Variants in PIEZO2 observed in about 807,000 individuals in gnomAD.
The protein encoded by PIEZO2 is piezo type mechanosensitive ion channel component 2.
A neutral mutation model predicts 337.3 loss-of-function variants in PIEZO2; 172 were observed. The observed-to-expected ratio is 0.51, with a 90% CI of 0.45 to 0.58. The LOEUF (loss-of-function observed/expected upper bound fraction) is 0.58. Among genes scored for constraint, PIEZO2 ranks in the 20% least tolerant of loss-of-function variants. PIEZO2 has a pLI of 0.00. For synonymous variants in PIEZO2, 1,251 were observed against 1,228.5 expected (o/e 1.02, Z -0.38); for missense variants, 3,028 against 3,391.3 (o/e 0.89, Z 2.66).
chr18:10,745,613 G>A lies in PIEZO2; in HGVS notation c.4425-1382C>T, dbSNP rs544430880. On this transcript the variant is annotated intron_variant, in intron 30 of 55. Transcript: ENST00000674853. ...ATCTTCCTCAGGCTCCTAAGGCAAC[G>A]TGCTCTCCTAGTTTTCCTTTTTTCT... Among the ~76,000 whole-genome samples the A allele has an allele frequency of 1.5e-3, 229 of 152,186 alleles. 1 individual carries two copies. Among genetic ancestry groups the A allele is most frequent in the African/African-American group, 5.4e-3 (223 of 41,518 alleles).
chr18:10,796,193 T>A (rs957072063), intron 12 of PIEZO2, among the ~76,000 whole-genome samples: 6 of 150,810 alleles, frequency 4.0e-5, no homozygotes, highest in Non-Finnish European at 8.8e-5. Context: ...TGAAACCCCG[T>A]CTCTACTAAA....
intron 7 of PIEZO2, among the ~76,000 whole-genome samples, chr18:10,852,938 T>C (rs1346776243): frequency 6.6e-6 from 1 of 152,064 alleles, no homozygotes; most frequent in Non-Finnish European, 1.5e-5. Flanking sequence ...TGGTTGCAGC[T>C]GGGGGCTTGG....
chr18:11,006,058 G>A lies in PIEZO2; in HGVS notation c.161-26398C>T, dbSNP rs111416594. 2.4e-3 allele frequency among the ~76,000 whole-genome samples: 358 copies of A among 152,234 alleles called. 2 individuals carry two copies. The highest frequency in any genetic ancestry group is 7.8e-3 in the African/African-American group (323 of 41,526). On this transcript the variant is annotated intron_variant, in intron 2 of 55. Transcript: ENST00000674853. ...TTCTCTCGTTGGATCTTACATGCCT[G>A]TCTCTTTCCCTTGGCTCAGGTCTTG...
At chr18:11,043,568 G>A (rs897687387) in intron 2 of PIEZO2, among the ~76,000 whole-genome samples, 1 of 152,166 alleles carries the variant, frequency 6.6e-6, no homozygotes, top group Non-Finnish European at 1.5e-5. Flanking sequence ...GAGAGAGCAA[G>A]AGAGAGACAA....
chr18:11,061,928 CA>C (rs2037976001), intron 2 of PIEZO2, among the ~76,000 whole-genome samples: 1 of 152,070 alleles, frequency 6.6e-6, no homozygotes, highest in African/African-American at 2.4e-5. Context: ...CATATGGAAC[CA>C]AAAAAGAGCC....
chr18:10,969,395 G>A lies in PIEZO2; in HGVS notation c.286+10140C>T, dbSNP rs775218993. 1.3e-5 allele frequency among the ~76,000 whole-genome samples: 2 copies of A among 152,066 alleles called. No individual in the cohort carries two copies. The highest frequency in any genetic ancestry group is 4.8e-5 in the African/African-American group (2 of 41,422). ...CTGGTCGGCATGGTGGGGAGCAGAC[G>A]GGCGTGAGGATCATGACTCCCTGTT... On this transcript the variant is annotated intron_variant, in intron 3 of 55. Coordinates refer to ENST00000674853, the MANE Select transcript of PIEZO2 (RefSeq NM_001378183.1). The surrounding 1 kb of genome is among the most constrained non-coding windows in gnomAD (Gnocchi z 4.5).
In PIEZO2 at chr18:10,859,284, C is replaced by T. The variant is rs191979456; in HGVS notation, c.493-2073G>A. Among the ~76,000 whole-genome samples, 73 of 152,272 alleles carry T rather than the reference C, an allele frequency of 4.8e-4. 1 individual carries two copies. The South Asian group carries it at 0.012, about 25-fold the overall frequency. ...GAAAGAGGGTAAGTGTCCCCAGGCC[C>T]GTGGCCACTTCCGCTCCCCTAGAGA... On this transcript the variant is annotated intron_variant, in intron 5 of 55. Transcript: ENST00000674853. The surrounding 1 kb of genome is among the most constrained non-coding windows in gnomAD (Gnocchi z 4.9).
At chr18:10,976,867 T>G (rs1293100135) in intron 3 of PIEZO2, among the ~76,000 whole-genome samples, 2 of 152,128 alleles carry the variant, frequency 1.3e-5, no homozygotes, top group Non-Finnish European at 2.9e-5. Context: ...TGACTACACT[T>G]GAGATGACTA....
At chr18:11,014,707 GC>G (rs1459893851) in intron 2 of PIEZO2, among the ~76,000 whole-genome samples, 12 of 139,310 alleles carry the variant, frequency 8.6e-5, no homozygotes, top group East Asian at 2.3e-4. Context: ...GCGATCCAGG[GC>G]CCCCCTCATT....
chr18:10,956,065 G>A (rs1216270594), intron 3 of PIEZO2, among the ~76,000 whole-genome samples: 2 of 152,044 alleles, frequency 1.3e-5, no homozygotes, highest in African/African-American at 4.8e-5. Context: ...GTATTTTATG[G>A]AATTCATATA....
chr18:10,708,785 A>C (rs1239064648), intron 39 of PIEZO2, among the ~76,000 whole-genome samples: 2 of 152,238 alleles, frequency 1.3e-5, no homozygotes, highest in Non-Finnish European at 2.9e-5. Flanking sequence ...GTTTCTTTTA[A>C]ATGAAAGAAA....
intron 7 of PIEZO2, among the ~76,000 whole-genome samples, chr18:10,842,482 C>T (rs1172979554): frequency 6.6e-6 from 1 of 152,154 alleles, no homozygotes; most frequent in Non-Finnish European, 1.5e-5. Flanking sequence ...TTAAAAATAG[C>T]CTGGCACTTT....
chr18:10,882,834 C>CTTTTTTTT (rs745618117), intron 4 of PIEZO2, among the ~76,000 whole-genome samples: 1,999 of 109,382 alleles, frequency 0.018, 60 homozygotes, highest in Non-Finnish European at 0.026. Flanking sequence ...ACCACATTTT[C>CTTTTTTTT]TTTTTTTCTT....
At chr18:10,906,564 AC>A (rs1367961338) in intron 4 of PIEZO2, among the ~76,000 whole-genome samples, 1 of 151,634 alleles carries the variant, frequency 6.6e-6, no homozygotes, top group African/African-American at 2.4e-5. Context: ...TATTATAAGA[AC>A]TTTTTTTTTT....
Position 10,672,708 on chromosome 18 carries a change from C to G in PIEZO2, c.8327G>C (p.Gly2776Ala), listed in dbSNP as rs2033832070. Residue 2776 changes from glycine to alanine, a missense_variant, in exon 55 of 56, where the codon GGG (glycine) becomes GCG (alanine). By Grantham distance (60) the Gly-to-Ala change is moderately conservative (BLOSUM62 0). Transcript: ENST00000674853. This position sits in a 1 kb window ranked among gnomAD's most constrained non-coding sequence, Gnocchi z 4.7. ...TCCTTACCCATAGCCAGCCAGGAACCCCAGACTTGGGGGACTGACTTTGTC... is the reference window on the plus strand; with the variant it reads ...TCCTTACCCATAGCCAGCCAGGAACGCCAGACTTGGGGGACTGACTTTGTC... ...FNDKVSPPSL[G>A]FLAGYGIMGL... 2 of 1,613,804 alleles carry G rather than the reference C, an allele frequency of 1.2e-6. No homozygotes were observed. The highest frequency in any genetic ancestry group is 2.2e-5 in the East Asian group (1 of 44,888).
chr18:10,992,870 G>A (rs150779516), intron 2 of PIEZO2, among the ~76,000 whole-genome samples: 36 of 152,272 alleles, frequency 2.4e-4, no homozygotes, highest in Non-Finnish European at 4.6e-4. Flanking sequence ...AGCATGGAAT[G>A]TTTTTCCATT....
At chr18:11,139,215 CAG>C (rs1568408478) in intron 1 of PIEZO2, among the ~76,000 whole-genome samples, 4 of 152,258 alleles carry the variant, frequency 2.6e-5, no homozygotes, top group Admixed American at 2.0e-4. Flanking sequence ...ATCTCAAAAA[CAG>C]GGGTCAATCT....
chr18:11,035,155 T>G lies in PIEZO2; in HGVS notation c.160+30972A>C, dbSNP rs1265541074. Among the ~76,000 whole-genome samples the G allele has an allele frequency of 2.0e-5, 3 of 152,206 alleles. No homozygotes were observed. Among genetic ancestry groups the G allele is most frequent in the Admixed American group, 6.5e-5 (1 of 15,290 alleles). ...CTTCTGACTCCTGAGATGGTTTGGA[T>G]ACTGTCCTCTCTCCAATTTCTTGTT... On this transcript the variant is annotated intron_variant, in intron 2 of 55. Coordinates refer to ENST00000674853, the MANE Select transcript of PIEZO2 (RefSeq NM_001378183.1). This position sits in a 1 kb window ranked among gnomAD's most constrained non-coding sequence, Gnocchi z 4.3.
At chr18:11,023,645 G>GC (rs1271046798) in intron 2 of PIEZO2, among the ~76,000 whole-genome samples, 1 of 152,256 alleles carries the variant, frequency 6.6e-6, no homozygotes, top group Non-Finnish European at 1.5e-5. Flanking sequence ...CGTGCCGTGT[G>GC]CCCACACTCC....
Sources: gnomAD v4.1 joint callset for allele counts (sites outside exome capture counted in the v4.1 genomes callset) on GRCh38, gnomAD v4.1.1 for gene constraint, Gnocchi (gnomAD v3.1) non-coding constraint, MANE v1.5 for transcripts, NCBI Gene and HGNC (gene_info 2026-07-23, HGNC 2026-07-21) for gene names.